PCNX2: variants seen among roughly 807,000 people sequenced by gnomAD.
The protein encoded by PCNX2 is pecanex 2, also known as pecanex-like protein 2.
In PCNX2, 168 loss-of-function variants were observed where a neutral mutation model predicts 223.8. The observed-to-expected ratio is 0.75, with a 90% CI of 0.66 to 0.85. The LOEUF is 0.85. Ranked by LOEUF, PCNX2 falls within the 40% of genes least tolerant of loss-of-function variation. The pLI is 0.00. For missense variants in PCNX2, 2,507 were observed against 2,675.5 expected, an observed-to-expected ratio of 0.94 and a Z score of 1.39; for synonymous variants, 1,006 against 1,052.6, an observed-to-expected ratio of 0.96 and a Z score of 0.86.
intron 14 of PCNX2, among the ~76,000 whole-genome samples, chr1:233,199,451 A>ATGTG (rs138018059): frequency 6.7e-6 from 1 of 150,060 alleles, no homozygotes; most frequent in African/African-American, 2.4e-5. Context: ...TATGTAGTGT[A>ATGTG]TGTGTGTGTG....
rs1412579882 is a variant in PCNX2, at chr1:233,150,177, CCTGA to C, written c.3517+10102_3517+10105del. ...CACTCAGGAAATCTCAGGTAACACA[CCTGA>C]CTAACTGATGGATTAATAACTTAAT... On this transcript the variant is annotated intron_variant, in intron 19 of 33. Transcript: ENST00000258229. Among the ~76,000 whole-genome samples, 13 of 152,250 alleles carry C rather than the reference CCTGA, an allele frequency of 8.5e-5. No individual in the cohort carries two copies. In the East Asian group the frequency reaches 2.5e-3, roughly 29 times the overall value.
intron 19 of PCNX2, among the ~76,000 whole-genome samples, chr1:233,143,977 A>G (rs1310288639): frequency 6.6e-6 from 1 of 152,068 alleles, no homozygotes; most frequent in Non-Finnish European, 1.5e-5. Flanking sequence ...CATTAAAAAT[A>G]TACCCCAAGC....
intron 1 of PCNX2, among the ~76,000 whole-genome samples, chr1:233,263,784 C>T (rs1219474453): frequency 6.6e-6 from 1 of 152,130 alleles, no homozygotes; most frequent in Non-Finnish European, 1.5e-5. Context: ...TTATCTATGG[C>T]CTAATCCAAT....
At chr1:233,080,991 C>G (rs1673331740) in intron 23 of PCNX2, among the ~76,000 whole-genome samples, 1 of 152,024 alleles carries the variant, frequency 6.6e-6, no homozygotes, top group Admixed American at 6.5e-5. Context: ...TATTTAACAC[C>G]CTAGAAAATC....
chr1:233,189,845 T>C (rs909921782), intron 15 of PCNX2, among the ~76,000 whole-genome samples: 1 of 152,196 alleles, frequency 6.6e-6, no homozygotes, highest in African/African-American at 2.4e-5. Flanking sequence ...GAAAGCCCAG[T>C]TAATTAACTA....
At position 233,227,259 on chromosome 1, in the gene PCNX2, T is replaced by C. The variant is rs1572112002; in HGVS notation, c.2471A>G (p.Tyr824Cys). Residue 824 changes from tyrosine (Y) to cysteine (C), a missense_variant, in exon 10 of 34, where the codon TAT becomes TGT. This residue lies in a region of PCNX2 where 1,031 missense variants were observed against 1,021.7 expected (regional missense o/e 1.01). Coordinates refer to ENST00000258229, the MANE Select transcript of PCNX2 (RefSeq NM_014801.4). Reference protein sequence around the residue: ...IFPGKWIKVWYDRLTLLALLD... With the variant: ...IFPGKWIKVWCDRLTLLALLD... Reference sequence around the variant, plus strand: ...TAATGCCAGCAAGGTCAGTCGATCATACCAGACTTTAATCCACTTGCCAGG... The same window carrying C: ...TAATGCCAGCAAGGTCAGTCGATCACACCAGACTTTAATCCACTTGCCAGG... 5 of 1,613,368 alleles carry C rather than the reference T, an allele frequency of 3.1e-6. 1 individual carries two copies. The Middle Eastern group carries it at 8.2e-4, about 266-fold the overall frequency.
intron 28 of PCNX2, among the ~76,000 whole-genome samples, chr1:233,011,877 G>T (rs188996175): frequency 2.6e-5 from 4 of 152,100 alleles, no homozygotes; most frequent in Non-Finnish European, 5.9e-5. Flanking sequence ...TGTTTCCCTG[G>T]ATTCTGTGAA....
chr1:233,083,540 G>A (rs934681860), intron 23 of PCNX2, among the ~76,000 whole-genome samples: 3 of 152,216 alleles, frequency 2.0e-5, no homozygotes, highest in Admixed American at 6.5e-5. Flanking sequence ...TAATTCCTAA[G>A]GGTCCGTGCT....
chr1:233,221,088 G>C (rs936560901), intron 10 of PCNX2, among the ~76,000 whole-genome samples: 1 of 152,156 alleles, frequency 6.6e-6, no homozygotes, highest in Non-Finnish European at 1.5e-5. Context: ...TTGGTTGACT[G>C]AACTGCAGCT....
At chr1:233,050,934 G>T (rs1249547998) in intron 25 of PCNX2, among the ~76,000 whole-genome samples, 1 of 151,924 alleles carries the variant, frequency 6.6e-6, no homozygotes, top group African/African-American at 2.4e-5. Flanking sequence ...ACTGACAAAG[G>T]TCTAATATCC....
chr1:233,067,718 C>T (rs574918325), intron 23 of PCNX2, among the ~76,000 whole-genome samples: 5 of 152,212 alleles, frequency 3.3e-5, no homozygotes, highest in Admixed American at 6.5e-5. Context: ...AGTGATCCAC[C>T]GGCCTCGGCC....
At chr1:233,205,068 T>G (rs1681363293) in intron 13 of PCNX2, among the ~76,000 whole-genome samples, 1 of 152,198 alleles carries the variant, frequency 6.6e-6, no homozygotes, top group Admixed American at 6.5e-5. Flanking sequence ...TGAGCTTTAA[T>G]AACACCTCAC....
At chr1:233,208,484 C>T in intron 13 of PCNX2, 34 bp downstream of exon 13, 1 of 1,587,330 alleles carries the variant, frequency 6.3e-7, no homozygotes, top group Non-Finnish European at 8.6e-7. Flanking sequence ...CCCCAACCCC[C>T]ATATTCTTCC....
At chr1:233,189,273 G>A (rs1448720823) in intron 15 of PCNX2, among the ~76,000 whole-genome samples, 1 of 152,230 alleles carries the variant, frequency 6.6e-6, no homozygotes, top group Non-Finnish European at 1.5e-5. Context: ...TGGAGATATA[G>A]TAAGGGGCAA....
chr1:233,079,458 G>A (rs926803387), intron 23 of PCNX2, among the ~76,000 whole-genome samples: 1 of 150,188 alleles, frequency 6.7e-6, no homozygotes. Context: ...CTGGGAGGAG[G>A]AGGAGGTTGC....
In PCNX2 at chr1:232,983,948, T is replaced by C. The variant is rs143225214; in HGVS notation, c.*356A>G. ...GCTCTGTTGAGTTGTTTTAAGTTAG[T>C]GAATGGCTTTTGAGATTTCAGATTC... On this transcript the variant is annotated 3_prime_UTR_variant, in exon 34 of 34. Coordinates refer to ENST00000258229, the MANE Select transcript of PCNX2 (RefSeq NM_014801.4). The C allele has an allele frequency of 6.3e-4, 116 of 182,894 alleles. 1 individual carries two copies. The East Asian group carries it at 0.011, about 17-fold the overall frequency. 11.3% of individuals were successfully genotyped at this position (182,894 alleles called of 1,614,324 possible).
the PCNX2 span, among the ~76,000 whole-genome samples, chr1:233,327,103 C>G: frequency 6.6e-6 from 1 of 152,004 alleles, no homozygotes; most frequent in Non-Finnish European, 1.5e-5. Context: ...TTCTGTAGCC[C>G]GTTCTGAGAT....
chr1:233,130,828 T>C (rs1315980572), intron 21 of PCNX2, among the ~76,000 whole-genome samples: 1 of 148,518 alleles, frequency 6.7e-6, no homozygotes, highest in Non-Finnish European at 1.5e-5. Context: ...CTTAAGAGAG[T>C]AGGCAATATT....
the PCNX2 span, among the ~76,000 whole-genome samples, chr1:233,307,599 T>G: frequency 3.3e-4 from 50 of 152,202 alleles, no homozygotes; most frequent in African/African-American, 1.1e-3. Flanking sequence ...ACTAAGGCAC[T>G]GTTATGGTGG....
Sources: allele counts gnomAD v4.1 joint callset (sites outside exome capture counted in the v4.1 genomes callset), GRCh38; gene constraint gnomAD v4.1.1; regional missense constraint gnomAD v4.1.1; transcripts MANE v1.5; gene names NCBI Gene and HGNC (gene_info 2026-07-23, HGNC 2026-07-21).